Variants in ATP8B3 observed in about 807,000 individuals in gnomAD.
ATP8B3 encodes ATPase phospholipid transporting 8B3.
Under a neutral mutation model 140.9 loss-of-function variants are expected in ATP8B3, and 141 were observed. The observed-to-expected ratio is 1.00, with a 90% CI of 0.87 to 1.15. The LOEUF (loss-of-function observed/expected upper bound fraction) is 1.15. Among genes scored for constraint, ATP8B3 ranks in the 50% most tolerant of loss-of-function variants. The pLI is 0.00. For synonymous variants in ATP8B3, 765 were observed against 714.6 expected (o/e 1.07, Z -1.13); for missense variants, 1,874 against 1,740.6 (o/e 1.08, Z -1.36).
At chr19:1,809,784 A>G (rs751473613) in intron 3 of ATP8B3, 50 bp from the exon 4 acceptor site, 2 of 1,509,998 alleles carry the variant, frequency 1.3e-6, no homozygotes, top group South Asian at 2.4e-5. Flanking sequence ...CAGGACAAAC[A>G]CCCCTAATGA....
At chr19:1,790,613 C>A in intron 21 of ATP8B3, 144 bp downstream of exon 21, 1 of 591,698 alleles carries the variant, frequency 1.7e-6, no homozygotes, top group Admixed American at 3.7e-5. Flanking sequence ...TTACCACACT[C>A]CTTCCTCCTA....
In ATP8B3 at chr19:1,795,842, C is replaced by T. The variant is rs1408209883; in HGVS notation, c.2055+33G>A. The T allele has an allele frequency of 1.0e-5, 12 of 1,188,270 alleles. 2 individuals are homozygous for T. In the African/African-American group the frequency reaches 1.7e-4, roughly 17 times the overall value. The allele number at this position is 1,188,270 out of a possible 1,614,324, so 73.6% of individuals were successfully genotyped here. The stretch of plus-strand genomic sequence containing the variant: ...ACACACACACACACACACACACACA[C>T]ACACATAAGCCAGCCTTCCTGAAGG... On this transcript the variant is annotated intron_variant, in intron 18 of 28. Coordinates refer to ENST00000310127, the MANE Select transcript of ATP8B3 (RefSeq NM_138813.4).
At position 1,808,209 on chromosome 19, in the gene ATP8B3, C is replaced by A; in HGVS notation, c.516+13G>T. 6.3e-7 allele frequency: 1 copy of A among 1,596,840 alleles called. No homozygotes were observed. The highest frequency in any genetic ancestry group is 8.6e-7 in the Non-Finnish European group (1 of 1,167,054). On this transcript the variant is annotated intron_variant, in intron 5 of 28. Coordinates refer to ENST00000310127, the MANE Select transcript of ATP8B3 (RefSeq NM_138813.4). ...GCTAGGGGGGACTTCCTGGAGGAGG[C>A]AACACGCCTCACCTGCAGGATGATG...
At chr19:1,799,490 G>A (rs937023507) in intron 14 of ATP8B3, 1 of 278,382 alleles carries the variant, frequency 3.6e-6, no homozygotes, top group Non-Finnish European at 6.6e-6. Flanking sequence ...AGTCGGCCGG[G>A]CGTGGTGGCT....
chr19:1,800,136 C>G lies in ATP8B3; in HGVS notation c.1363G>C (p.Gly455Arg). 1 of 1,558,920 alleles carries G rather than the reference C, an allele frequency of 6.4e-7. No homozygotes were observed. The highest frequency in any genetic ancestry group is 8.7e-7 in the Non-Finnish European group (1 of 1,151,006). Residue 455 changes from glycine to arginine, a missense_variant, in exon 14 of 29, where the codon GGG (glycine) becomes CGG (arginine). By Grantham distance (125) the Gly-to-Arg change is moderately radical. Around this residue, in one of 3 missense-constraint regions of ATP8B3, gnomAD observed 1,032 missense variants for 963.6 expected, o/e 1.07. Transcript: ENST00000310127. This position sits in a 1 kb window ranked among gnomAD's most constrained non-coding sequence, Gnocchi z 4.4. ...TCCCAGTCGATGAAGACGCTGTTCC[C>G]CAGGTAGATGAACTCGGACCTGCAG... ...MFILSEFIYL[G>R]NSVFIDWDVQ...
intron 18 of ATP8B3, 112 bp from the exon 19 acceptor site, chr19:1,792,247 G>C (rs954995114): frequency 1.6e-6 from 2 of 1,263,182 alleles, no homozygotes; most frequent in African/African-American, 3.0e-5. Context: ...CCAAAAGCCT[G>C]TTGCCTCCCC....
At chr19:1,791,566 T>C (rs1196539861) in intron 20 of ATP8B3, among the ~76,000 whole-genome samples, 184 bp downstream of exon 20, 1 of 152,086 alleles carries the variant, frequency 6.6e-6, no homozygotes, top group Non-Finnish European at 1.5e-5. Flanking sequence ...CCCATTTTTG[T>C]ATTTTTAGCA....
In ATP8B3 at chr19:1,789,544, G is replaced by A. The variant is rs1258848284; in HGVS notation, c.2662C>T (p.Arg888Cys). ...TCCTGCAGCACCTCGGAGCTACGGC[G>A]GGCTCTGGAGTCCTGGGCTGGCGGT... is the stretch of plus-strand genomic sequence containing the variant. The part of the protein sequence containing the change: ...AAPPAQDSRA[R>C]RSSEVLQERA... The change falls in exon 23 of 29, where the codon CGC (arginine) becomes TGC (cysteine). Residue 888 changes from arginine to cysteine, a missense_variant. Physicochemically the swap from Arg to Cys is radical, Grantham distance 180. This residue lies in a region of ATP8B3 where 840 missense variants were observed against 760.9 expected (regional missense o/e 1.10). Coordinates refer to ENST00000310127, the MANE Select transcript of ATP8B3 (RefSeq NM_138813.4). 6.3e-7 allele frequency: 1 copy of A among 1,596,666 alleles called. No individual in the cohort carries two copies. Among genetic ancestry groups the A allele is most frequent in the Non-Finnish European group, 8.5e-7 (1 of 1,177,994 alleles).
chr19:1,807,677 C>T lies in ATP8B3; in HGVS notation c.517-411G>A, dbSNP rs527442312. Among the ~76,000 whole-genome samples, 1 of 152,394 alleles carries T rather than the reference C, an allele frequency of 6.6e-6. No homozygotes were observed. Among genetic ancestry groups the T allele is most frequent in the South Asian group, 2.1e-4 (1 of 4,832 alleles). On this transcript the variant is annotated intron_variant, in intron 5 of 28. Coordinates refer to ENST00000310127, the MANE Select transcript of ATP8B3 (RefSeq NM_138813.4). The surrounding 1 kb of genome is among the most constrained non-coding windows in gnomAD (Gnocchi z 5.9). ...CAGCGGCCTGCACACAGTAGGTACT[C>T]CATTAATGCTGAATGACTCGATGGA... is the stretch of plus-strand genomic sequence containing the variant.
chr19:1,783,326 C>G, intron 28 of ATP8B3, 56 bp from the exon 29 acceptor site: 7 of 1,558,660 alleles, frequency 4.5e-6, no homozygotes, highest in Non-Finnish European at 6.1e-6. Context: ...GCTGATGGCT[C>G]TCAGGTCCCC....
Position 1,806,151 on chromosome 19 carries a change from C to A in ATP8B3, c.696G>T (p.Trp232Cys). 1.3e-6 allele frequency: 2 copies of A among 1,598,514 alleles called. No individual in the cohort carries two copies. The highest frequency in any genetic ancestry group is 1.7e-6 in the Non-Finnish European group (2 of 1,173,060). ...LMGKSFKQKK[W>C]QDLCVGDVVC... Reference sequence around the variant, plus strand: ...CCACATCCCCCACGCACAGATCCTGCCATTTCTTCTGCTTGAAGCTGCGGG... The same window carrying A: ...CCACATCCCCCACGCACAGATCCTGACATTTCTTCTGCTTGAAGCTGCGGG... Residue 232 changes from tryptophan to cysteine, a missense_variant, in exon 8 of 29, where the codon TGG becomes TGT. Transcript: ENST00000310127. This position sits in a 1 kb window ranked among gnomAD's most constrained non-coding sequence, Gnocchi z 5.6.
rs1052417588 is a variant in ATP8B3, at chr19:1,794,872, C to G, written c.2055+1003G>C. On this transcript the variant is annotated intron_variant, in intron 18 of 28. Coordinates refer to ENST00000310127, the MANE Select transcript of ATP8B3 (RefSeq NM_138813.4). This position sits in a 1 kb window ranked among gnomAD's most constrained non-coding sequence, Gnocchi z 4.8. Reference sequence around the variant, plus strand: ...TGGGCCGAGGAGTTCGGGCTTCCCCCACAGAGTGGGAAGCTTTGGAGCAGA... The same window carrying G: ...TGGGCCGAGGAGTTCGGGCTTCCCCGACAGAGTGGGAAGCTTTGGAGCAGA... Among the ~76,000 whole-genome samples the G allele has an allele frequency of 2.6e-5, 4 of 152,220 alleles. No individual in the cohort carries two copies. The highest frequency in any genetic ancestry group is 9.6e-5 in the African/African-American group (4 of 41,466).
chr19:1,802,572 T>C lies in ATP8B3; in HGVS notation c.978A>G (p.Lys326=), dbSNP rs1167916435. The C allele has an allele frequency of 6.2e-7, 1 of 1,611,360 alleles. No individual in the cohort carries two copies. Among genetic ancestry groups the C allele is most frequent in the Admixed American group, 1.7e-5 (1 of 59,868 alleles). ...GGAGGTTGCCAATGTCCAGGGAGTA[T>C]TTCTTGTCATTCCATTCCAGGCACC... The part of the protein sequence containing the change: ...FVGCLEWNDK[K]YSLDIGNLLL... The change falls in exon 11 of 29, where the codon AAA becomes AAG. Residue 326 remains lysine, a synonymous_variant. Coordinates refer to ENST00000310127, the MANE Select transcript of ATP8B3 (RefSeq NM_138813.4).
In ATP8B3 at chr19:1,805,341, G is replaced by A. The variant is rs1343783090; in HGVS notation, c.904+33C>T. 58 of 1,518,220 alleles carry A rather than the reference G, an allele frequency of 3.8e-5. No homozygotes were observed. Among genetic ancestry groups the A allele is most frequent in the Non-Finnish European group, 4.8e-5 (54 of 1,115,046 alleles). 94.0% of individuals were successfully genotyped at this position (1,518,220 alleles called of 1,614,324 possible). A position where few individuals can be genotyped will look rare whatever the true frequency, so the allele number is the denominator to read the frequency against. ...CCTAACTTTTAACTTTTACAGATTC[G>A]AGGGACGTGACTCCCTGCTCAACGC... On this transcript the variant is annotated intron_variant, in intron 10 of 28. Transcript: ENST00000310127. This position sits in a 1 kb window ranked among gnomAD's most constrained non-coding sequence, Gnocchi z 5.2.
Position 1,808,301 on chromosome 19 carries a change from T to C in ATP8B3, c.437A>G (p.Tyr146Cys), listed in dbSNP as rs1600483686. The C allele has an allele frequency of 6.2e-7, 1 of 1,612,394 alleles. No homozygotes were observed. The highest frequency in any genetic ancestry group is 1.1e-5 in the South Asian group (1 of 91,024). ...NVIRTAKYNFYSFLPLNLYEQ... is the reference protein window; with the variant it reads ...NVIRTAKYNFCSFLPLNLYEQ... ...GTACAGGTTCAGCGGCAGGAACGAG[T>C]AGAAGTTGTACTTGGCCGTGCGGAT... Residue 146 changes from tyrosine to cysteine, a missense_variant, in exon 5 of 29, where the codon TAC (tyrosine) becomes TGC (cysteine). Tyr to Cys is a radical substitution (Grantham distance 194, BLOSUM62 -2). Transcript: ENST00000310127.
rs573564386 is a variant in ATP8B3, at chr19:1,800,731, C to T, written c.1153-282G>A. On this transcript the variant is annotated intron_variant, in intron 12 of 28. Transcript: ENST00000310127. The surrounding 1 kb of genome is among the most constrained non-coding windows in gnomAD (Gnocchi z 4.4). ...TCTCAGCTGCTCAGAAGGCTGAGGC[C>T]GAGGATCGCTTGAGCCCAGGAGGCT... Among the ~76,000 whole-genome samples, 4 of 152,160 alleles carry T rather than the reference C, an allele frequency of 2.6e-5. No individual in the cohort carries two copies. The highest frequency in any genetic ancestry group is 2.1e-4 in the South Asian group (1 of 4,818).
At position 1,794,452 on chromosome 19, in the gene ATP8B3, C is replaced by A. The variant is rs2068607952; in HGVS notation, c.2055+1423G>T. On this transcript the variant is annotated intron_variant, in intron 18 of 28. Coordinates refer to ENST00000310127, the MANE Select transcript of ATP8B3 (RefSeq NM_138813.4). The surrounding 1 kb of genome is among the most constrained non-coding windows in gnomAD (Gnocchi z 4.8). ...CACAGGACATCTTCCCACACACACC[C>A]CGCTGCCCTGTGCTCCATGCTGCTG... is the stretch of plus-strand genomic sequence containing the variant. 2.6e-5 allele frequency among the ~76,000 whole-genome samples: 4 copies of A among 152,024 alleles called. No homozygotes were observed.
At chr19:1,796,680 G>C in intron 16 of ATP8B3, 31 bp downstream of exon 16, 14 of 1,598,542 alleles carry the variant, frequency 8.8e-6, no homozygotes, top group Non-Finnish European at 1.2e-5. Flanking sequence ...GGGCTGAGCG[G>C]CCTCAGAGAT....
Position 1,806,138 on chromosome 19 carries a change from C to A in ATP8B3, c.709G>T (p.Val237Leu). 1 of 1,600,996 alleles carries A rather than the reference C, an allele frequency of 6.2e-7. No homozygotes were observed. Among genetic ancestry groups the A allele is most frequent in the Admixed American group, 1.7e-5 (1 of 58,332 alleles). The change falls in exon 8 of 29, where the codon GTG (valine) becomes TTG (leucine). Residue 237 changes from valine to leucine, a missense_variant. Val to Leu is a conservative substitution (Grantham distance 32, BLOSUM62 1). Coordinates refer to ENST00000310127, the MANE Select transcript of ATP8B3 (RefSeq NM_138813.4). The surrounding 1 kb of genome is among the most constrained non-coding windows in gnomAD (Gnocchi z 5.6). The part of the protein sequence containing the change: ...FKQKKWQDLC[V>L]GDVVCLRKDN... ...TTGCGGAGACAGACCACATCCCCCACGCACAGATCCTGCCATTTCTTCTGC... is the reference window on the plus strand; with the variant it reads ...TTGCGGAGACAGACCACATCCCCCAAGCACAGATCCTGCCATTTCTTCTGC...
Sources: gnomAD v4.1 joint callset for allele counts (sites outside exome capture counted in the v4.1 genomes callset) on GRCh38, gnomAD v4.1.1 for gene constraint, gnomAD v4.1.1 regional missense constraint, Gnocchi (gnomAD v3.1) non-coding constraint, MANE v1.5 for transcripts, NCBI Gene and HGNC (gene_info 2026-07-23, HGNC 2026-07-21) for gene names.